The following DLC1 variants were observed in gnomAD, a reference collection of about 807,000 sequenced individuals.
The protein encoded by DLC1 is rho GTPase-activating protein 7.
Under a neutral mutation model 140.3 loss-of-function variants are expected in DLC1, and 54 were observed. That is an observed-to-expected ratio of 0.38 (90% CI 0.31 to 0.48). The LOEUF is 0.48. Among genes scored for constraint, DLC1 ranks in the 20% least tolerant of loss-of-function variants. DLC1 has a pLI of 0.96. For missense variants in DLC1, 2,536 were observed against 1,907.0 expected, an observed-to-expected ratio of 1.33 and a Z score of -6.14; for synonymous variants, 986 against 728.1, an observed-to-expected ratio of 1.35 and a Z score of -5.70.
chr8:13,144,483 G>C (rs920028770), intron 5 of DLC1, among the ~76,000 whole-genome samples: 5 of 152,090 alleles, frequency 3.3e-5, no homozygotes, highest in Admixed American at 6.5e-5. Context: ...ATTATCTCTC[G>C]GGCCCAGCAC....
chr8:13,372,146 G>C (rs1835759172), intron 4 of DLC1, among the ~76,000 whole-genome samples: 1 of 111,530 alleles, frequency 9.0e-6, no homozygotes, highest in African/African-American at 3.1e-5. Flanking sequence ...TCAAAAAAAA[G>C]TGTGTGTGTG....
intron 1 of DLC1, among the ~76,000 whole-genome samples, chr8:13,602,299 T>A (rs1255106733): frequency 6.6e-6 from 1 of 151,764 alleles, no homozygotes; most frequent in Non-Finnish European, 1.5e-5. Flanking sequence ...TCAACTGCCA[T>A]GTGTAGGCCT....
intron 1 of DLC1, among the ~76,000 whole-genome samples, chr8:13,591,412 T>C (rs914633297): frequency 1.3e-5 from 2 of 152,104 alleles, no homozygotes; most frequent in African/African-American, 4.8e-5. Flanking sequence ...TACAAGCATC[T>C]GGCATTTCCC....
chr8:13,476,103 C>T lies in DLC1; in HGVS notation c.1023+22946G>A, dbSNP rs527631993. Among the ~76,000 whole-genome samples, 13 of 152,196 alleles carry T rather than the reference C, an allele frequency of 8.5e-5. No homozygotes were observed. In the East Asian group the frequency reaches 1.2e-3, roughly 14 times the overall value. On this transcript the variant is annotated intron_variant, in intron 2 of 17. Transcript: ENST00000276297. ...TTAATTGTGATGAGGAAAATACATC[C>T]GGTTGAAAGCAAAAAGCATTTTACA...
intron 1 of DLC1, among the ~76,000 whole-genome samples, chr8:13,581,590 C>T (rs1353172489): frequency 6.6e-6 from 1 of 152,184 alleles, no homozygotes; most frequent in Non-Finnish European, 1.5e-5. Context: ...CTGTCACCCA[C>T]CTTATTTCAG....
intron 2 of DLC1, among the ~76,000 whole-genome samples, chr8:13,457,147 G>A (rs1166426675): frequency 4.6e-5 from 7 of 152,056 alleles, no homozygotes; most frequent in Admixed American, 2.6e-4. Flanking sequence ...AGAATATTGC[G>A]AACTTTCCCT....
rs1316105208 is a variant in DLC1, at chr8:13,190,286, C to A, written c.1349-74629G>T. On this transcript the variant is annotated intron_variant, in intron 5 of 17. Transcript: ENST00000276297. Reference sequence around the variant, plus strand: ...GCTGTGGCTACCCTCTTGGCCATTGCAGGCTTTGGAGATATCTATGGGGTG... The same window carrying A: ...GCTGTGGCTACCCTCTTGGCCATTGAAGGCTTTGGAGATATCTATGGGGTG... 2.0e-5 allele frequency among the ~76,000 whole-genome samples: 3 copies of A among 152,082 alleles called. No individual in the cohort carries two copies. In the East Asian group the frequency reaches 5.8e-4, roughly 29 times the overall value.
At chr8:13,282,583 G>C (rs1173313848) in intron 5 of DLC1, among the ~76,000 whole-genome samples, 1 of 151,782 alleles carries the variant, frequency 6.6e-6, no homozygotes, top group Non-Finnish European at 1.5e-5. Flanking sequence ...AACTTCAGGG[G>C]GAAATAATTT....
intron 5 of DLC1, among the ~76,000 whole-genome samples, chr8:13,157,967 T>C (rs1824381905): frequency 6.6e-6 from 1 of 152,250 alleles, no homozygotes; most frequent in Non-Finnish European, 1.5e-5. Flanking sequence ...TTCTTTGAAG[T>C]AGAATTGTTT....
intron 1 of DLC1, among the ~76,000 whole-genome samples, chr8:13,544,983 C>G (rs908777901): frequency 2.6e-5 from 4 of 152,114 alleles, no homozygotes; most frequent in Admixed American, 2.0e-4. Flanking sequence ...TAGCACCCCC[C>G]CTGGAACTGT....
At chr8:13,430,170 C>G (rs934185434) in intron 2 of DLC1, among the ~76,000 whole-genome samples, 1 of 152,134 alleles carries the variant, frequency 6.6e-6, no homozygotes, top group Non-Finnish European at 1.5e-5. Context: ...ATCAATAGTT[C>G]TCAAATTGGA....
chr8:13,287,249 C>A (rs186268677), intron 5 of DLC1, among the ~76,000 whole-genome samples: 18 of 152,006 alleles, frequency 1.2e-4, no homozygotes, highest in Non-Finnish European at 1.3e-4. Context: ...ATGTATGGCT[C>A]GTCAGGGTCT....
At chr8:13,332,861 T>A (rs1356213052) in intron 4 of DLC1, among the ~76,000 whole-genome samples, 1 of 151,946 alleles carries the variant, frequency 6.6e-6, no homozygotes, top group Non-Finnish European at 1.5e-5. Context: ...TAAAATGTGA[T>A]TTTTTTGTGT....
At chr8:13,298,764 A>G (rs1186919565) in intron 5 of DLC1, among the ~76,000 whole-genome samples, 2 of 152,198 alleles carry the variant, frequency 1.3e-5, no homozygotes, top group African/African-American at 4.8e-5. Context: ...GTTAGGCACT[A>G]TGCTCACTAC....
intron 3 of DLC1, among the ~76,000 whole-genome samples, chr8:13,399,597 G>A (rs1837209468): frequency 6.6e-6 from 1 of 152,072 alleles, no homozygotes; most frequent in African/African-American, 2.4e-5. Flanking sequence ...TAAGAGACTG[G>A]CACACTCTGA....
chr8:13,113,025 C>G (rs1820246148), intron 6 of DLC1, among the ~76,000 whole-genome samples: 1 of 152,106 alleles, frequency 6.6e-6, no homozygotes, highest in African/African-American at 2.4e-5. Flanking sequence ...TTAGTATACC[C>G]AGAGCCATAT....
rs1265909669 is a variant in DLC1 at position 13,221,724 on chromosome 8, GTGTATA to G, written c.1348+83539_1348+83544del. Among the ~76,000 whole-genome samples the G allele has an allele frequency of 2.5e-3, 337 of 132,958 alleles. 2 individuals carry two copies. Among genetic ancestry groups the G allele is most frequent in the African/African-American group, 8.2e-3 (285 of 34,738 alleles). 87.2% of individuals were successfully genotyped at this position (132,958 alleles called of 152,430 possible). A position where few individuals can be genotyped will look rare whatever the true frequency, so the allele number is the denominator to read the frequency against. The stretch of plus-strand genomic sequence containing the variant: ...TATGTGTGTGTATATGTGTGTGTGT[GTGTATA>G]TATATATATATATATGATAAACCAT... On this transcript the variant is annotated intron_variant, in intron 5 of 17. Coordinates refer to ENST00000276297, the MANE Select transcript of DLC1 (RefSeq NM_182643.3).
intron 3 of DLC1, among the ~76,000 whole-genome samples, chr8:13,398,117 G>C (rs762858871): frequency 7.3e-6 from 1 of 137,720 alleles, no homozygotes; most frequent in Non-Finnish European, 1.6e-5. Context: ...GTGACAGAGC[G>C]AGAGTCCATC....
intron 1 of DLC1, among the ~76,000 whole-genome samples, chr8:13,551,985 A>G (rs1008786985): frequency 3.5e-5 from 5 of 144,794 alleles, no homozygotes; most frequent in Non-Finnish European, 7.6e-5. Flanking sequence ...GTGTGTGTGT[A>G]TATATATGTG....
Sources: allele counts gnomAD v4.1 joint callset (sites outside exome capture counted in the v4.1 genomes callset), GRCh38; gene constraint gnomAD v4.1.1; transcripts MANE v1.5; gene names NCBI Gene and HGNC (gene_info 2026-07-23, HGNC 2026-07-21).